The following PDE5A variants were observed in gnomAD, a reference collection of about 807,000 sequenced individuals.
PDE5A encodes the protein phosphodiesterase 5A, also known as cGMP-specific 3',5'-cyclic phosphodiesterase.
PDE5A carries 67 observed loss-of-function variants against 110.2 expected under a neutral mutation model. That is an observed-to-expected ratio of 0.61 (90% CI 0.50 to 0.75). PDE5A has a LOEUF of 0.75. Among genes scored for constraint, PDE5A ranks in the 30% least tolerant of loss-of-function variants. The pLI is 0.00. For synonymous variants in PDE5A, 328 were observed against 351.2 expected (o/e 0.93, Z 0.74); for missense variants, 862 against 1,045.1 (o/e 0.82, Z 2.42).
intron 14 of PDE5A, 31 bp downstream of exon 14, chr4:119,519,014 A>G: frequency 3.3e-6 from 5 of 1,518,062 alleles, no homozygotes; most frequent in Non-Finnish European, 3.7e-6. Flanking sequence ...TTAAAAGAAA[A>G]CATTTTCTTG....
intron 11 of PDE5A, among the ~76,000 whole-genome samples, chr4:119,530,360 G>A (rs994984374): frequency 6.6e-6 from 1 of 152,090 alleles, no homozygotes; most frequent in Admixed American, 6.6e-5. Context: ...CAAAACCCAA[G>A]TGTAGTCTTA....
rs546424423 is a variant in PDE5A, at chr4:119,618,277, A to G, written c.152+10243T>C. On this transcript the variant is annotated intron_variant, in intron 1 of 20. Transcript: ENST00000354960. ...AAGTTAACTGAATATTAAGTGGAGT[A>G]TATTTTTTAAACTGATTAAGTTTTT... 7.1e-4 allele frequency among the ~76,000 whole-genome samples: 108 copies of G among 152,290 alleles called. 1 individual carries two copies. Among genetic ancestry groups the G allele is most frequent in the African/African-American group, 2.6e-3 (106 of 41,566 alleles).
chr4:119,597,503 CA>C (rs1729193695), intron 2 of PDE5A, among the ~76,000 whole-genome samples: 2 of 151,962 alleles, frequency 1.3e-5, no homozygotes, highest in African/African-American at 4.8e-5. Flanking sequence ...TCAATAGCTA[CA>C]ACAACATGAG....
intron 1 of PDE5A, among the ~76,000 whole-genome samples, chr4:119,612,939 A>T (rs1729809190): frequency 6.6e-6 from 1 of 152,244 alleles, no homozygotes; most frequent in Non-Finnish European, 1.5e-5. Context: ...AGTTATGCCC[A>T]ATTAAAGACC....
chr4:119,519,278 C>T, intron 13 of PDE5A, 139 bp from the exon 14 acceptor site: 2 of 599,246 alleles, frequency 3.3e-6, no homozygotes, highest in East Asian at 2.8e-5. Flanking sequence ...AAGGACTAAC[C>T]CTAGAATCCT....
At chr4:119,502,408 T>A (rs1169705688) in intron 19 of PDE5A, 173 bp downstream of exon 19, 4 of 480,632 alleles carry the variant, frequency 8.3e-6, no homozygotes, top group Non-Finnish European at 1.5e-5. Context: ...TGCCTTTTAT[T>A]GGTTTTGCTT....
chr4:119,528,064 T>TA (rs1409182910), intron 11 of PDE5A, among the ~76,000 whole-genome samples: 1 of 148,130 alleles, frequency 6.8e-6, no homozygotes, highest in Admixed American at 6.8e-5. Context: ...AAAAAAAAAA[T>TA]AAAAAAACAA....
chr4:119,611,080 C>T (rs1729725984), intron 1 of PDE5A, among the ~76,000 whole-genome samples: 1 of 152,214 alleles, frequency 6.6e-6, no homozygotes, highest in South Asian at 2.1e-4. Context: ...GCACTAACTG[C>T]CCTGTCTGGG....
intron 9 of PDE5A, chr4:119,549,567 C>CT (rs1387511782): frequency 6.6e-6 from 1 of 151,966 alleles, no homozygotes; most frequent in South Asian, 2.1e-4. Flanking sequence ...TTCTAAGTAT[C>CT]TTTTTTTAAA....
At position 119,501,363 on chromosome 4, in the gene PDE5A, T is replaced by G. The variant is rs565404938; in HGVS notation, c.2407-110A>C. The G allele has an allele frequency of 3.4e-5, 23 of 683,558 alleles. No homozygotes were observed. In the Admixed American group the frequency reaches 4.7e-4, roughly 14 times the overall value. 42.3% of individuals were successfully genotyped at this position (683,558 alleles called of 1,614,324 possible). ...TCTCACTCTGTTGTCCAGGCTGGAG[T>G]GCAGTGGCACCATCTCAGCTCACTG... On this transcript the variant is annotated intron_variant, in intron 19 of 20. Transcript: ENST00000354960.
At chr4:119,502,813 G>T (rs998706550) in intron 18 of PDE5A, among the ~76,000 whole-genome samples, 158 bp from the exon 19 acceptor site, 2 of 152,150 alleles carry the variant, frequency 1.3e-5, no homozygotes, top group African/African-American at 4.8e-5. Context: ...TGTCCAAAGC[G>T]TGCTCTCTTA....
Position 119,529,044 on chromosome 4 carries a change from A to T in PDE5A, c.1633-3349T>A, listed in dbSNP as rs558667873. Among the ~76,000 whole-genome samples the T allele has an allele frequency of 3.9e-5, 6 of 152,262 alleles. No individual in the cohort carries two copies. The South Asian group carries it at 1.2e-3, about 32-fold the overall frequency. ...GTTAAAGTAGTGGAGGGTTAGACTC[A>T]ATATGTGGTAGCCTCTCTTCTTATT... On this transcript the variant is annotated intron_variant, in intron 11 of 20. Transcript: ENST00000354960.
chr4:119,517,682 ATAGTT>A, intron 14 of PDE5A, among the ~76,000 whole-genome samples: 1 of 151,508 alleles, frequency 6.6e-6, no homozygotes, highest in South Asian at 2.1e-4. Flanking sequence ...AAAGGAAAAA[ATAGTT>A]GAGTGTTTTT....
intron 3 of PDE5A, among the ~76,000 whole-genome samples, chr4:119,585,275 CA>C (rs10706998): frequency 0.18 from 23,906 of 134,798 alleles, 1,875 homozygotes; most frequent in Middle Eastern, 0.21. Flanking sequence ...AACTCTGTCT[CA>C]AAAAAAAAAA....
chr4:119,549,602 T>A (rs141142849), intron 9 of PDE5A: 2 of 152,190 alleles, frequency 1.3e-5, no homozygotes, highest in African/African-American at 4.8e-5. Context: ...GGAATAGGAC[T>A]AGTTTCTGCA....
chr4:119,496,339 A>G lies in PDE5A; in HGVS notation c.*2262T>C, dbSNP rs1725069823. The G allele has an allele frequency of 6.6e-6, 1 of 152,122 alleles. No individual in the cohort carries two copies. Among genetic ancestry groups the G allele is most frequent in the Non-Finnish European group, 1.5e-5 (1 of 68,004 alleles). 9.4% of individuals were successfully genotyped at this position (152,122 alleles called of 1,614,324 possible). On this transcript the variant is annotated 3_prime_UTR_variant, in exon 21 of 21. Coordinates refer to ENST00000354960, the MANE Select transcript of PDE5A (RefSeq NM_001083.4). ...AATTAAAAATTATTTGAACCAATTA[A>G]CCAGCCCTAAAGAAGTACTCTGCTT...
chr4:119,504,207 TTTTCTG>T (rs1725477329), intron 18 of PDE5A, among the ~76,000 whole-genome samples: 1 of 152,098 alleles, frequency 6.6e-6, no homozygotes, highest in Admixed American at 6.6e-5. Context: ...CAGTGTTTGA[TTTTCTG>T]TTTCTGAGTT....
At chr4:119,603,546 C>T (rs947401106) in intron 2 of PDE5A, among the ~76,000 whole-genome samples, 1 of 152,176 alleles carries the variant, frequency 6.6e-6, no homozygotes, top group South Asian at 2.1e-4. Flanking sequence ...ATGAGAATCA[C>T]TGGTCTGAGT....
At chr4:119,524,870 G>T (rs902358815) in intron 12 of PDE5A, among the ~76,000 whole-genome samples, 1 of 151,976 alleles carries the variant, frequency 6.6e-6, no homozygotes, top group Admixed American at 6.6e-5. Context: ...GAATTCCCTA[G>T]TATCTCCAAA....
Sources: gnomAD v4.1 joint callset for allele counts (sites outside exome capture counted in the v4.1 genomes callset) on GRCh38, gnomAD v4.1.1 for gene constraint, MANE v1.5 for transcripts, NCBI Gene and HGNC (gene_info 2026-07-23, HGNC 2026-07-21) for gene names.